Variants in UGCG observed in about 807,000 individuals in gnomAD.
The protein encoded by UGCG is ceramide glucosyltransferase.
In UGCG, 10 loss-of-function variants were observed where a neutral mutation model predicts 49.5. The ratio of observed to expected loss-of-function variants is 0.20; its 90% CI spans 0.12 to 0.34. The LOEUF (loss-of-function observed/expected upper bound fraction) is 0.34. Ranked by LOEUF, UGCG falls within the 10% of genes least tolerant of loss-of-function variation. UGCG has a pLI of 1.00. For synonymous variants in UGCG, 182 were observed against 158.2 expected (o/e 1.15, Z -1.13); for missense variants, 312 against 483.7 (o/e 0.65, Z 3.33).
intron 5 of UGCG, 120 bp downstream of exon 5, chr9:111,926,616 C>G (rs1838316184): frequency 3.1e-6 from 2 of 645,664 alleles, no homozygotes; most frequent in Admixed American, 3.7e-5. Context: ...CATTTGGGAA[C>G]CTGCTGTGTT....
At chr9:111,907,162 G>A (rs775178302) in intron 1 of UGCG, among the ~76,000 whole-genome samples, 1 of 152,170 alleles carries the variant, frequency 6.6e-6, no homozygotes, top group Non-Finnish European at 1.5e-5. Flanking sequence ...TGGAAAGACC[G>A]CCTCCTAGGA....
In UGCG at chr9:111,929,481, T is replaced by C. The variant is rs748554776; in HGVS notation, c.559-19T>C. 4.4e-6 allele frequency: 7 copies of C among 1,599,456 alleles called. No homozygotes were observed. The South Asian group carries it at 7.9e-5, about 18-fold the overall frequency. The stretch of plus-strand genomic sequence containing the variant: ...TAACATGAAATTCTAATCATACACG[T>C]TTGTGGTTTTTTGGGCAGGTATATT... On this transcript the variant is annotated intron_variant, in intron 5 of 8. Coordinates refer to ENST00000374279, the MANE Select transcript of UGCG (RefSeq NM_003358.3).
intron 8 of UGCG, 129 bp downstream of exon 8, chr9:111,932,488 G>A: frequency 1.0e-6 from 1 of 995,112 alleles, no homozygotes; most frequent in Non-Finnish European, 1.4e-6. Context: ...TCTCGGGTTT[G>A]AACATGACTT....
rs1838461569 is a variant in UGCG at position 111,933,360 on chromosome 9, G to A, written c.*363G>A. The A allele has an allele frequency of 6.6e-6, 1 of 152,310 alleles. No individual in the cohort carries two copies. Among genetic ancestry groups the A allele is most frequent in the Non-Finnish European group, 1.5e-5 (1 of 68,198 alleles). The allele number at this position is 152,310 out of a possible 1,614,324, so 9.4% of individuals were successfully genotyped here. A position where few individuals can be genotyped will look rare whatever the true frequency, so the allele number is the denominator to read the frequency against. The stretch of plus-strand genomic sequence containing the variant: ...AGTAGAGAAAGTTTCTTACTTGTGA[G>A]TACACTCTTTTAGAACATTTACGGG... On this transcript the variant is annotated 3_prime_UTR_variant, in exon 9 of 9. Coordinates refer to ENST00000374279, the MANE Select transcript of UGCG (RefSeq NM_003358.3).
At position 111,926,397 on chromosome 9, in the gene UGCG, G is replaced by C; in HGVS notation, c.459G>C (p.Thr153=). 6.2e-7 allele frequency: 1 copy of C among 1,605,862 alleles called. No individual in the cohort carries two copies. ...TTTAAATTGTAGTAATTCCAGATAC[G>C]CTTACTGACATGGTGAATCAAATGA... ...CDSGIRVIPD[T]LTDMVNQMTE... is the part of the protein sequence containing the mutation. Residue 153 remains threonine, a synonymous_variant, in exon 5 of 9, where the codon ACG becomes ACC. Transcript: ENST00000374279.
intron 5 of UGCG, 104 bp downstream of exon 5, chr9:111,926,600 T>G: frequency 1.3e-6 from 1 of 799,248 alleles, no homozygotes; most frequent in African/African-American, 1.8e-5. Context: ...TTAACTGTAT[T>G]AAGTCCATTT....
chr9:111,921,518 A>G (rs1249617629), intron 2 of UGCG, among the ~76,000 whole-genome samples: 1 of 151,842 alleles, frequency 6.6e-6, no homozygotes, highest in African/African-American at 2.4e-5. Flanking sequence ...GGTGGCGGGC[A>G]TCTGTAGTCC....
chr9:111,915,690 A>T (rs1321597493), intron 2 of UGCG: 3 of 732,192 alleles, frequency 4.1e-6, no homozygotes, highest in Non-Finnish European at 5.0e-6. Flanking sequence ...AATAATCAGA[A>T]GGAAGATGAT....
intron 6 of UGCG, among the ~76,000 whole-genome samples, chr9:111,930,561 G>T (rs1314612127): frequency 5.3e-5 from 8 of 151,132 alleles, no homozygotes; most frequent in Admixed American, 5.3e-4. Context: ...TCCGCCTCCT[G>T]GGTTCAAACG....
chr9:111,908,022 T>A (rs1207689690), intron 1 of UGCG, among the ~76,000 whole-genome samples: 1 of 152,142 alleles, frequency 6.6e-6, no homozygotes, highest in Admixed American at 6.6e-5. Flanking sequence ...TTTCTGATTT[T>A]TTGGTTGTTT....
intron 2 of UGCG, among the ~76,000 whole-genome samples, chr9:111,917,436 A>G (rs1838130997): frequency 6.6e-6 from 1 of 152,224 alleles, no homozygotes; most frequent in African/African-American, 2.4e-5. Flanking sequence ...AGGAGACCCA[A>G]AATAAACATT....
rs1276588188 is a variant in UGCG, at chr9:111,922,837, C to G, written c.241-12C>G. On this transcript the variant is annotated splice_polypyrimidine_tract_variant and intron_variant, in intron 2 of 8. Transcript: ENST00000374279. The stretch of plus-strand genomic sequence containing the variant: ...TAAAGAATTTAATTTACATACAATG[C>G]TTTTTGACTAGTATGAAGTGCTCCT... 6.4e-7 allele frequency: 1 copy of G among 1,573,142 alleles called. No homozygotes were observed. Among genetic ancestry groups the G allele is most frequent in the East Asian group, 2.3e-5 (1 of 44,082 alleles).
intron 2 of UGCG, among the ~76,000 whole-genome samples, chr9:111,916,382 C>T (rs1838110081): frequency 6.6e-6 from 1 of 152,136 alleles, no homozygotes; most frequent in Non-Finnish European, 1.5e-5. Context: ...GGAATTTTTA[C>T]GTTGTAGTGC....
intron 6 of UGCG, among the ~76,000 whole-genome samples, chr9:111,930,886 G>C (rs1838413850): frequency 1.3e-5 from 2 of 152,134 alleles, no homozygotes; most frequent in South Asian, 4.1e-4. Context: ...GTGGTTCATG[G>C]TTTCCTAGTG....
chr9:111,912,900 T>TACAC (rs1262841297), intron 1 of UGCG, among the ~76,000 whole-genome samples: 6 of 151,026 alleles, frequency 4.0e-5, no homozygotes. Context: ...TGTGTGTGTG[T>TACAC]GTGTGCGTGT....
chr9:111,926,826 G>A (rs1413077503), intron 5 of UGCG, among the ~76,000 whole-genome samples: 3 of 142,336 alleles, frequency 2.1e-5, no homozygotes, highest in South Asian at 2.2e-4. Flanking sequence ...TCAAACATTC[G>A]ATCTGAAAAG....
At chr9:111,911,325 A>G (rs1837991020) in intron 1 of UGCG, among the ~76,000 whole-genome samples, 1 of 152,170 alleles carries the variant, frequency 6.6e-6, no homozygotes, top group African/African-American at 2.4e-5. Context: ...TTATTGTCCT[A>G]ACGGTTCAAT....
chr9:111,918,941 AAAC>A (rs1441047631), intron 2 of UGCG, among the ~76,000 whole-genome samples: 1 of 117,924 alleles, frequency 8.5e-6, no homozygotes, highest in Admixed American at 8.7e-5. Context: ...AAAAAACAAA[AAAC>A]AAAAAAACAA....
chr9:111,932,942 C>G lies in UGCG; in HGVS notation c.1130C>G (p.Thr377Ser). 1 of 1,612,258 alleles carries G rather than the reference C, an allele frequency of 6.2e-7. No individual in the cohort carries two copies. Among genetic ancestry groups the G allele is most frequent in the South Asian group, 1.1e-5 (1 of 90,792 alleles). The part of the protein sequence containing the change: ...ALWDPTISWR[T>S]GRYRLRCGGT... Reference sequence around the variant, plus strand: ...TGGGACCCAACTATAAGCTGGAGAACTGGTCGCTACAGATTACGCTGTGGG... The same window carrying G: ...TGGGACCCAACTATAAGCTGGAGAAGTGGTCGCTACAGATTACGCTGTGGG... Residue 377 changes from threonine (T) to serine (S), a missense_variant, in exon 9 of 9, where the codon ACT becomes AGT. Thr to Ser is a moderately conservative substitution (Grantham distance 58). Coordinates refer to ENST00000374279, the MANE Select transcript of UGCG (RefSeq NM_003358.3).
Sources: gnomAD v4.1 joint callset for allele counts (sites outside exome capture counted in the v4.1 genomes callset) on GRCh38, gnomAD v4.1.1 for gene constraint, MANE v1.5 for transcripts, NCBI Gene and HGNC (gene_info 2026-07-23, HGNC 2026-07-21) for gene names.